Variants in MSR1 observed in about 807,000 individuals in gnomAD.
MSR1 encodes the protein macrophage scavenger receptor 1.
Under a neutral mutation model 47.2 loss-of-function variants are expected in MSR1, and 53 were observed. The ratio of observed to expected loss-of-function variants is 1.12; its 90% CI spans 0.90 to 1.41. The LOEUF is 1.41. MSR1 is among the 40% of genes most tolerant of loss of function. MSR1 has a pLI of 0.00. For synonymous variants in MSR1, 239 were observed against 185.6 expected, an observed-to-expected ratio of 1.29 and a Z score of -2.34; for missense variants, 786 against 546.9, an observed-to-expected ratio of 1.44 and a Z score of -4.36.
At chr8:16,124,569 T>C (rs1800086730) in intron 8 of MSR1, among the ~76,000 whole-genome samples, 1 of 152,208 alleles carries the variant, frequency 6.6e-6, no homozygotes, top group South Asian at 2.1e-4. Flanking sequence ...TTCTCCTTTA[T>C]TTCTGGGGCT....
chr8:16,168,419 C>T (rs2117181546), intron 4 of MSR1, 39 bp downstream of exon 4: 1 of 1,609,962 alleles, frequency 6.2e-7, no homozygotes, highest in Non-Finnish European at 8.5e-7. Flanking sequence ...TGGATGGATT[C>T]AGTTCCAGCA....
At chr8:16,128,967 G>A (rs1462557555) in intron 8 of MSR1, among the ~76,000 whole-genome samples, 1 of 152,122 alleles carries the variant, frequency 6.6e-6, no homozygotes, top group East Asian at 1.9e-4. Flanking sequence ...TCTAGGTGCA[G>A]GTAATGTACT....
intron 9 of MSR1, among the ~76,000 whole-genome samples, chr8:16,120,094 C>G (rs1332681198): frequency 6.6e-6 from 1 of 151,672 alleles, no homozygotes; most frequent in African/African-American, 2.4e-5. Flanking sequence ...ACAAAATTTT[C>G]TGGCCAAGCG....
At chr8:16,162,420 A>C (rs990387645) in intron 5 of MSR1, among the ~76,000 whole-genome samples, 2 of 152,128 alleles carry the variant, frequency 1.3e-5, no homozygotes, top group African/African-American at 4.8e-5. Context: ...AAATAATCCC[A>C]GAAGAAATGC....
chr8:16,178,885 C>T (rs34885355), intron 1 of MSR1, among the ~76,000 whole-genome samples: 9 of 151,970 alleles, frequency 5.9e-5, no homozygotes, highest in African/African-American at 1.4e-4. Context: ...AAAAATGAAA[C>T]GGAATCTATA....
intron 8 of MSR1, chr8:16,139,322 T>C (rs1800468717): frequency 8.2e-6 from 8 of 979,752 alleles, no homozygotes; most frequent in Non-Finnish European, 9.7e-6. Context: ...ATACCTTACA[T>C]CTTTAAAGGA....
chr8:16,145,909 T>C (rs539743020), intron 7 of MSR1, among the ~76,000 whole-genome samples: 1 of 152,226 alleles, frequency 6.6e-6, no homozygotes, highest in Admixed American at 6.5e-5. Context: ...GAGTTAACTA[T>C]CTCCTATCCT....
At chr8:16,158,687 C>T (rs557074833) in intron 5 of MSR1, among the ~76,000 whole-genome samples, 34 of 151,732 alleles carry the variant, frequency 2.2e-4, no homozygotes, top group African/African-American at 7.5e-4. Flanking sequence ...CTGGAAGACA[C>T]TTTAAACATT....
intron 1 of MSR1, among the ~76,000 whole-genome samples, chr8:16,192,381 C>G (rs1802222537): frequency 6.6e-6 from 1 of 152,058 alleles, no homozygotes; most frequent in Non-Finnish European, 1.5e-5. Context: ...GTTTTTCACT[C>G]ATGGAAAATT....
intron 8 of MSR1, among the ~76,000 whole-genome samples, chr8:16,141,804 G>A (rs976430222): frequency 1.3e-5 from 2 of 152,020 alleles, no homozygotes; most frequent in African/African-American, 4.8e-5. Flanking sequence ...ACAGTGGGGT[G>A]CTGTTTGCAG....
At chr8:16,117,912 C>T (rs1293794071) in intron 9 of MSR1, among the ~76,000 whole-genome samples, 3 of 152,092 alleles carry the variant, frequency 2.0e-5, no homozygotes, top group Non-Finnish European at 4.4e-5. Context: ...ATAATGTGCA[C>T]AATAAATGTC....
intron 1 of MSR1, among the ~76,000 whole-genome samples, chr8:16,186,650 T>C (rs1802008888): frequency 6.6e-6 from 1 of 150,460 alleles, no homozygotes; most frequent in African/African-American, 2.4e-5. Flanking sequence ...TTTTTTTTTT[T>C]TGAGACAAGG....
chr8:16,155,105 G>A lies in MSR1; in HGVS notation c.857C>T (p.Pro286Leu), dbSNP rs768360190. 2.5e-6 allele frequency: 4 copies of A among 1,612,004 alleles called. No individual in the cohort carries two copies. The East Asian group carries it at 6.7e-5, about 27-fold the overall frequency. ...GPPGEKGDRG[P>L]TGESGPRGFP... is the part of the protein sequence containing the mutation. ...TCCTCGTGGACCACTTTCTCCAGTG[G>A]GACCTCGATCTCCTTTTTCACCCGG... Residue 286 changes from proline (P) to leucine (L), a missense_variant, in exon 6 of 10, where the codon CCC becomes CTC. Pro to Leu is a moderately conservative substitution (Grantham distance 98, BLOSUM62 -3). Coordinates refer to ENST00000262101, the MANE Select transcript of MSR1 (RefSeq NM_138715.3).
rs1169555429 is a variant in MSR1, at chr8:16,125,407, G to A, written c.1034-4801C>T. On this transcript the variant is annotated intron_variant, in intron 8 of 9. Transcript: ENST00000262101. ...CTTCTGGGATGGCCAATGATCTTTC[G>A]TTAACACATTTTTCTTTATATATGT... Among the ~76,000 whole-genome samples, 5 of 152,136 alleles carry A rather than the reference G, an allele frequency of 3.3e-5. No individual in the cohort carries two copies. In the East Asian group the frequency reaches 5.8e-4, roughly 18 times the overall value.
At chr8:16,152,055 G>A (rs191451366) in intron 6 of MSR1, among the ~76,000 whole-genome samples, 12 of 152,252 alleles carry the variant, frequency 7.9e-5, no homozygotes. Flanking sequence ...TGACTACTTT[G>A]TAAATGTTAG....
At chr8:16,133,040 G>C (rs972789984) in intron 8 of MSR1, among the ~76,000 whole-genome samples, 8 of 152,048 alleles carry the variant, frequency 5.3e-5, no homozygotes, top group Non-Finnish European at 1.0e-4. Flanking sequence ...TGTAGTTTTT[G>C]TTGTTAGTTT....
chr8:16,115,334 T>A (rs2117051646), intron 9 of MSR1, among the ~76,000 whole-genome samples: 1 of 152,282 alleles, frequency 6.6e-6, no homozygotes, highest in South Asian at 2.1e-4. Context: ...TTTTTCTAAG[T>A]TTCTTTTCTT....
chr8:16,148,104 C>G (rs1004420877), intron 7 of MSR1, among the ~76,000 whole-genome samples: 6 of 152,278 alleles, frequency 3.9e-5, no homozygotes, highest in East Asian at 3.9e-4. Context: ...ACAAACACTA[C>G]TTTCTATCTA....
At chr8:16,114,511 A>G (rs1197616478) in intron 9 of MSR1, among the ~76,000 whole-genome samples, 1 of 152,074 alleles carries the variant, frequency 6.6e-6, no homozygotes, top group African/African-American at 2.4e-5. Flanking sequence ...AACTCATCCA[A>G]GTTTGCTGCA....
Sources: gnomAD v4.1 joint callset for allele counts (sites outside exome capture counted in the v4.1 genomes callset) on GRCh38, gnomAD v4.1.1 for gene constraint, MANE v1.5 for transcripts, NCBI Gene and HGNC (gene_info 2026-07-23, HGNC 2026-07-21) for gene names.